IL2: variants seen among roughly 807,000 people sequenced by gnomAD.
The protein encoded by IL2 is interleukin-2.
Under a neutral mutation model 14.6 loss-of-function variants are expected in IL2, and 3 were observed. The ratio of observed to expected loss-of-function variants is 0.21; its 90% CI spans 0.09 to 0.53. The LOEUF is 0.53. Ranked by LOEUF, IL2 falls within the 20% of genes least tolerant of loss-of-function variation. The probability of loss-of-function intolerance (pLI) is 0.95; values close to 1 mark genes in which losing one functional copy is unlikely to be tolerated. For missense variants in IL2, 125 were observed against 170.8 expected, an observed-to-expected ratio of 0.73 and a Z score of 1.50; for synonymous variants, 71 against 60.0, an observed-to-expected ratio of 1.18 and a Z score of -0.85.
chr4:122,451,740 A>C lies in IL2; in HGVS notation c.*12T>G, dbSNP rs1797678197. ...AAGGCCTGATATGTTTTAAGTGGGAAGCACTTAATTATCAAGTCAGTGTTG... is the reference window on the plus strand; with the variant it reads ...AAGGCCTGATATGTTTTAAGTGGGACGCACTTAATTATCAAGTCAGTGTTG... On this transcript the variant is annotated 3_prime_UTR_variant, in exon 4 of 4. Transcript: ENST00000226730. The C allele has an allele frequency of 1.7e-6, 2 of 1,195,760 alleles. No homozygotes were observed. The highest frequency in any genetic ancestry group is 1.2e-6 in the Non-Finnish European group (1 of 854,992). The allele number at this position is 1,195,760 out of a possible 1,614,324, so 74.1% of individuals were successfully genotyped here.
chr4:122,451,812 A>G lies in IL2; in HGVS notation c.402T>C (p.Ile134=), dbSNP rs1419758902. The change falls in exon 4 of 4, where the codon ATT becomes ATC. Residue 134 remains isoleucine, a synonymous_variant. Coordinates refer to ENST00000226730, the MANE Select transcript of IL2 (RefSeq NM_000586.4). ...TAATCCATCTGTTCAGAAATTCTAC[A>G]ATGGTTGCTGTCTCATCAGCATATT... ...MCEYADETAT[I]VEFLNRWITF... 6.3e-7 allele frequency: 1 copy of G among 1,596,096 alleles called. No individual in the cohort carries two copies. The highest frequency in any genetic ancestry group is 1.1e-5 in the South Asian group (1 of 88,550).
chr4:122,454,161 A>G (rs1184473781), intron 2 of IL2, among the ~76,000 whole-genome samples: 1 of 151,908 alleles, frequency 6.6e-6, no homozygotes, highest in Non-Finnish European at 1.5e-5. Flanking sequence ...CAATCTGCAT[A>G]GAAAATCATT....
chr4:122,453,274 A>C (rs1797694150), intron 3 of IL2, among the ~76,000 whole-genome samples: 1 of 151,756 alleles, frequency 6.6e-6, no homozygotes, highest in African/African-American at 2.4e-5. Context: ...TTTTAAGACA[A>C]ATCTCTTATG....
At chr4:122,455,671 A>T (rs1170338097) in intron 2 of IL2, among the ~76,000 whole-genome samples, 1 of 151,944 alleles carries the variant, frequency 6.6e-6, no homozygotes, top group East Asian at 1.9e-4. Flanking sequence ...AAGCTAGGAC[A>T]TGGCAGAGCT....
Position 122,453,693 on chromosome 4 carries a change from A to G in IL2, c.351+17T>C. On this transcript the variant is annotated intron_variant, in intron 3 of 3. Coordinates refer to ENST00000226730, the MANE Select transcript of IL2 (RefSeq NM_000586.4). ...TTTTTTTTTATTTCCAGGAGAGCAA[A>G]TAAAGTAATGCCTTACCTTTAGTTC... The G allele has an allele frequency of 6.4e-7, 1 of 1,574,554 alleles. No homozygotes were observed.
At chr4:122,452,432 T>C (rs1434974620) in intron 3 of IL2, among the ~76,000 whole-genome samples, 1 of 152,032 alleles carries the variant, frequency 6.6e-6, no homozygotes, top group African/African-American at 2.4e-5. Context: ...CACCTATCCC[T>C]ACCCCATCAT....
intron 3 of IL2, among the ~76,000 whole-genome samples, chr4:122,453,181 T>G (rs1393653276): frequency 6.6e-6 from 1 of 151,906 alleles, no homozygotes; most frequent in African/African-American, 2.4e-5. Context: ...TAAAAATACT[T>G]AAGATTCTGA....
intron 3 of IL2, 43 bp from the exon 4 acceptor site, chr4:122,451,905 T>TAAA: frequency 7.5e-6 from 7 of 935,518 alleles, no homozygotes; most frequent in East Asian, 2.9e-5. Flanking sequence ...CAGAGTAGTT[T>TAAA]ACCTTATATA....
At chr4:122,456,029 C>A in intron 2 of IL2, 115 bp downstream of exon 2, 236 of 563,546 alleles carry the variant, frequency 4.2e-4, no homozygotes, top group East Asian at 1.0e-3. Context: ...TTCAAAAAAA[C>A]AAATTAAAGT....
chr4:122,456,552 CA>C lies in IL2; in HGVS notation c.-113del. The C allele has an allele frequency of 1.2e-6, 1 of 800,138 alleles. No individual in the cohort carries two copies. 49.6% of individuals were successfully genotyped at this position (800,138 alleles called of 1,614,324 possible). On this transcript the variant is annotated 5_prime_UTR_variant, in exon 1 of 4. Coordinates refer to ENST00000226730, the MANE Select transcript of IL2 (RefSeq NM_000586.4). ...TTCTGGAAAAATATTATGGGGGTGTCAAAATGTTTTACATATTACACATATT... is the reference window on the plus strand; with the variant it reads ...TTCTGGAAAAATATTATGGGGGTGTCAAATGTTTTACATATTACACATATT...
In IL2 at chr4:122,453,743, G is replaced by A; in HGVS notation, c.318C>T (p.Ile106=). The A allele has an allele frequency of 6.2e-7, 1 of 1,610,506 alleles. No homozygotes were observed. The highest frequency in any genetic ancestry group is 8.5e-7 in the Non-Finnish European group (1 of 1,177,942). Residue 106 remains isoleucine, a synonymous_variant, in exon 3 of 4, where the codon ATC becomes ATT. Coordinates refer to ENST00000226730, the MANE Select transcript of IL2 (RefSeq NM_000586.4). Reference sequence around the variant, plus strand: ...CCAGAACTATTACGTTGATATTGCTGATTAAGTCCCTGGGTCTTAAGTGAA... The same window carrying A: ...CCAGAACTATTACGTTGATATTGCTAATTAAGTCCCTGGGTCTTAAGTGAA... ...KNFHLRPRDL[I]SNINVIVLEL... is the part of the protein sequence containing the mutation.
rs2150634570 is a variant in IL2 at position 122,456,531 on chromosome 4, G to A, written c.-91C>T. 3.1e-6 allele frequency: 3 copies of A among 976,866 alleles called. No individual in the cohort carries two copies. The highest frequency in any genetic ancestry group is 2.5e-5 in the East Asian group (1 of 39,874). The allele number at this position is 976,866 out of a possible 1,614,324, so 60.5% of individuals were successfully genotyped here. On this transcript the variant is annotated 5_prime_UTR_variant, in exon 1 of 4. Transcript: ENST00000226730. ...AGATGCAATTTATACTGTTAATTCT[G>A]GAAAAATATTATGGGGGTGTCAAAA...
intron 3 of IL2, among the ~76,000 whole-genome samples, chr4:122,453,317 C>A (rs1797694345): frequency 1.3e-5 from 2 of 151,570 alleles, no homozygotes; most frequent in African/African-American, 4.8e-5. Flanking sequence ...AAGGAAACAC[C>A]ATTTGAAAAG....
At chr4:122,455,671 A>G (rs1170338097) in intron 2 of IL2, among the ~76,000 whole-genome samples, 1 of 151,944 alleles carries the variant, frequency 6.6e-6, no homozygotes, top group Non-Finnish European at 1.5e-5. Flanking sequence ...AAGCTAGGAC[A>G]TGGCAGAGCT....
rs775991373 is a variant in IL2, at chr4:122,456,171, G to A, written c.180C>T (p.Leu60=). 1 of 1,608,196 alleles carries A rather than the reference G, an allele frequency of 6.2e-7. No individual in the cohort carries two copies. The highest frequency in any genetic ancestry group is 8.5e-7 in the Non-Finnish European group (1 of 1,175,554). ...NYKNPKLTRM[L]TFKFYMPKKA... ...TCTTGGGCATGTAAAACTTAAATGT[G>A]AGCATCCTGGTGAGTTTGGGATTCT... The change falls in exon 2 of 4, where the codon CTC becomes CTT. Residue 60 remains leucine (L), a synonymous_variant. Transcript: ENST00000226730.
At chr4:122,452,818 TGC>T (rs1172471942) in intron 3 of IL2, among the ~76,000 whole-genome samples, 1 of 152,014 alleles carries the variant, frequency 6.6e-6, no homozygotes, top group African/African-American at 2.4e-5. Context: ...TTCAGATTTT[TGC>T]ATGGTTTTGT....
rs1797731545 is a variant in IL2, at chr4:122,456,497, T to C, written c.-57A>G. ...GATTAAAGAGAGTGATAGGGAACTC[T>C]TGAACAAGAGATGCAATTTATACTG... is the stretch of plus-strand genomic sequence containing the variant. On this transcript the variant is annotated 5_prime_UTR_variant, in exon 1 of 4. Transcript: ENST00000226730. 3.6e-6 allele frequency: 5 copies of C among 1,391,742 alleles called. No individual in the cohort carries two copies. In the Admixed American group the frequency reaches 8.5e-5, roughly 24 times the overall value. 86.2% of individuals were successfully genotyped at this position (1,391,742 alleles called of 1,614,324 possible).
chr4:122,453,658 C>G, intron 3 of IL2, 52 bp downstream of exon 3: 1 of 1,434,194 alleles, frequency 7.0e-7, no homozygotes, highest in Non-Finnish European at 9.5e-7. Context: ...GGTACTTTTC[C>G]CCCTACTTTT....
chr4:122,456,486 A>T lies in IL2; in HGVS notation c.-46T>A. ...CTGTGAGTAGTGATTAAAGAGAGTG[A>T]TAGGGAACTCTTGAACAAGAGATGC... On this transcript the variant is annotated 5_prime_UTR_variant, in exon 1 of 4. Transcript: ENST00000226730. 6.7e-7 allele frequency: 1 copy of T among 1,482,874 alleles called. No homozygotes were observed. Among genetic ancestry groups the T allele is most frequent in the Non-Finnish European group, 9.2e-7 (1 of 1,088,034 alleles). 91.9% of individuals were successfully genotyped at this position (1,482,874 alleles called of 1,614,324 possible).
Sources: allele counts gnomAD v4.1 joint callset (sites outside exome capture counted in the v4.1 genomes callset), GRCh38; gene constraint gnomAD v4.1.1; transcripts MANE v1.5; gene names NCBI Gene and HGNC (gene_info 2026-07-23, HGNC 2026-07-21).